LLGL2: variants seen among roughly 807,000 people sequenced by gnomAD.
The protein encoded by LLGL2 is LLGL2, scribble cell polarity complex component.
In LLGL2, 81 loss-of-function variants were observed where a neutral mutation model predicts 123.2. The ratio of observed to expected loss-of-function variants is 0.66; its 90% CI spans 0.55 to 0.79. LLGL2 has a LOEUF of 0.79. LLGL2 is among the 30% of genes least tolerant of loss of function. The pLI, the probability that LLGL2 is intolerant of heterozygous loss-of-function variation, is 0.00. For synonymous variants in LLGL2, 577 were observed against 594.1 expected (o/e 0.97, Z 0.42); for missense variants, 1,273 against 1,414.6 (o/e 0.90, Z 1.61).
At chr17:75,539,625 T>TA (rs201553761) in intron 1 of LLGL2, among the ~76,000 whole-genome samples, 4 of 148,774 alleles carry the variant, frequency 2.7e-5, no homozygotes, top group Non-Finnish European at 4.5e-5. Flanking sequence ...TTTTTTTTTT[T>TA]TATACAGAAT....
intron 1 of LLGL2, among the ~76,000 whole-genome samples, chr17:75,539,131 T>TCA (rs1421962700): frequency 6.6e-6 from 1 of 152,080 alleles, no homozygotes; most frequent in Non-Finnish European, 1.5e-5. Context: ...GGTTCATAGC[T>TCA]CACTGCAGCC....
upstream of LLGL2, among the ~76,000 whole-genome samples, chr17:75,525,383 G>A (rs889343900): frequency 6.6e-6 from 1 of 152,090 alleles, no homozygotes; most frequent in African/African-American, 2.4e-5. The surrounding 1 kb of genome is among the most constrained non-coding windows in gnomAD (Gnocchi z 4.8). Context: ...TGGAGTCTGG[G>A]AGGCGGCCCG....
chr17:75,571,202 G>C, intron 17 of LLGL2, 102 bp downstream of exon 17: 1 of 1,147,914 alleles, frequency 8.7e-7, no homozygotes, highest in Non-Finnish European at 1.3e-6. Context: ...GCTGGTAGGA[G>C]CTAAGAGGTT....
Position 75,570,381 on chromosome 17 carries a change from G to A in LLGL2, c.1908G>A (p.Leu636=). 1 of 1,611,818 alleles carries A rather than the reference G, an allele frequency of 6.2e-7. No homozygotes were observed. Among genetic ancestry groups the A allele is most frequent in the African/African-American group, 1.3e-5 (1 of 75,048 alleles). ...TGCACCCCAGTGACCAGCTGGCCTT[G>A]GAGGGCCCACTCTCCCGCGTCAAGT... ...CTLHPSDQLA[L]EGPLSRVKSL... is the part of the protein sequence containing the mutation. Residue 636 remains leucine (L), a synonymous_variant, in exon 16 of 26, where the codon TTG becomes TTA. Coordinates refer to ENST00000392550, the MANE Select transcript of LLGL2 (RefSeq NM_001031803.2).
intron 16 of LLGL2, 84 bp from the exon 17 acceptor site, chr17:75,570,866 G>A (rs1042751857): frequency 1.6e-5 from 23 of 1,475,304 alleles, no homozygotes; most frequent in East Asian, 1.4e-4. Context: ...CCTGCCTTCC[G>A]ATGCAAGGAT....
At position 75,559,482 on chromosome 17, in the gene LLGL2, G is replaced by T; in HGVS notation, c.530+72G>T. The T allele has an allele frequency of 1.3e-6, 2 of 1,510,744 alleles. No individual in the cohort carries two copies. Among genetic ancestry groups the T allele is most frequent in the South Asian group, 2.6e-5 (2 of 78,100 alleles). 93.6% of individuals were successfully genotyped at this position (1,510,744 alleles called of 1,614,324 possible). On this transcript the variant is annotated intron_variant, in intron 6 of 25. Transcript: ENST00000392550. The surrounding 1 kb of genome is among the most constrained non-coding windows in gnomAD (Gnocchi z 4.6). ...GCATGGCTTCTCCCCTTGGTCCCAG[G>T]ACTCTGTCAGGAGCTGTCATTTCTC...
intron 1 of LLGL2, among the ~76,000 whole-genome samples, chr17:75,529,161 AAG>A (rs1459961305): frequency 6.6e-6 from 1 of 152,040 alleles, no homozygotes; most frequent in Non-Finnish European, 1.5e-5. Flanking sequence ...CTCAAAAAAA[AAG>A]AGAGCAAAAA....
chr17:75,555,513 T>C (rs1370308770), intron 2 of LLGL2, among the ~76,000 whole-genome samples: 3 of 152,126 alleles, frequency 2.0e-5, no homozygotes, highest in Non-Finnish European at 4.4e-5. Flanking sequence ...GGTTGGAATT[T>C]GGTGACAGTA....
chr17:75,527,654 G>A (rs577248333), intron 1 of LLGL2, among the ~76,000 whole-genome samples: 1 of 151,140 alleles, frequency 6.6e-6, no homozygotes, highest in Non-Finnish European at 1.5e-5. Flanking sequence ...TTGTAGAGAT[G>A]GGATCTCACC....
rs1372342381 is a variant in LLGL2, at chr17:75,574,200, C to T, written c.2906-13C>T. 4 of 1,530,408 alleles carry T rather than the reference C, an allele frequency of 2.6e-6. No homozygotes were observed. The highest frequency in any genetic ancestry group is 2.8e-5 in the African/African-American group (2 of 72,534). The allele number at this position is 1,530,408 out of a possible 1,614,324, so 94.8% of individuals were successfully genotyped here. A position where few individuals can be genotyped will look rare whatever the true frequency, so the allele number is the denominator to read the frequency against. On this transcript the variant is annotated splice_polypyrimidine_tract_variant and intron_variant, in intron 22 of 25. Transcript: ENST00000392550. ...CCCAGGCGGGGCGCCCTGACCCGGCCTCTACCTTCCAGAGAAGCAGCCCGG... is the reference window on the plus strand; with the variant it reads ...CCCAGGCGGGGCGCCCTGACCCGGCTTCTACCTTCCAGAGAAGCAGCCCGG...
In LLGL2 at chr17:75,570,361, C is replaced by G; in HGVS notation, c.1888C>G (p.Pro630Ala). 1 of 1,612,090 alleles carries G rather than the reference C, an allele frequency of 6.2e-7. No homozygotes were observed. Among genetic ancestry groups the G allele is most frequent in the African/African-American group, 1.3e-5 (1 of 75,050 alleles). ...RQVFVKCTLHPSDQLALEGPL... is the reference protein window; with the variant it reads ...RQVFVKCTLHASDQLALEGPL... ...CATCCCCCCAAGGTGCACACTGCAC[C>G]CCAGTGACCAGCTGGCCTTGGAGGG... The change falls in exon 16 of 26, where the codon CCC becomes GCC. Residue 630 changes from proline to alanine, a missense_variant. Pro to Ala is a conservative substitution (Grantham distance 27, BLOSUM62 -1). Coordinates refer to ENST00000392550, the MANE Select transcript of LLGL2 (RefSeq NM_001031803.2).
chr17:75,572,121 C>T lies in LLGL2; in HGVS notation c.2460+57C>T, dbSNP rs112833709. On this transcript the variant is annotated intron_variant, in intron 19 of 25. Coordinates refer to ENST00000392550, the MANE Select transcript of LLGL2 (RefSeq NM_001031803.2). ...GACTCCCCGGGACATCCAGGAGGCT[C>T]GGACCTTGGGCAAAAATGATGGCTG... The T allele has an allele frequency of 5.8e-4, 895 of 1,547,498 alleles. 5 individuals carry two copies. The African/African-American group carries it at 9.9e-3, about 17-fold the overall frequency.
chr17:75,570,562 G>C (rs1360278953), intron 16 of LLGL2, 64 bp downstream of exon 16: 16 of 1,523,898 alleles, frequency 1.0e-5, no homozygotes, highest in African/African-American at 1.4e-5. Flanking sequence ...CAGCCAGCAG[G>C]GGGGCCACAC....
At chr17:75,554,312 A>C (rs1376661743) in intron 2 of LLGL2, among the ~76,000 whole-genome samples, 2 of 151,310 alleles carry the variant, frequency 1.3e-5, no homozygotes, top group East Asian at 3.9e-4. Flanking sequence ...CAAAAAAAAA[A>C]AAAAAAAAGC....
At chr17:75,554,301 T>TC (rs2054804895) in intron 2 of LLGL2, among the ~76,000 whole-genome samples, 1 of 15,618 alleles carries the variant, frequency 6.4e-5, no homozygotes, top group Non-Finnish European at 2.0e-4. Context: ...AAACTCCGTC[T>TC]CAAAAAAAAA....
intron 1 of LLGL2, among the ~76,000 whole-genome samples, chr17:75,530,541 T>C (rs1000156013): frequency 6.7e-6 from 1 of 149,884 alleles, no homozygotes; most frequent in Non-Finnish European, 1.5e-5. Flanking sequence ...TCCCAGCTGC[T>C]CGGGAGGCTG....
chr17:75,557,790 C>T, intron 3 of LLGL2: 1 of 360,898 alleles, frequency 2.8e-6, no homozygotes, highest in Non-Finnish European at 5.4e-6. Context: ...GGTGATAGGC[C>T]CCCTGGGGTG....
intron 1 of LLGL2, among the ~76,000 whole-genome samples, chr17:75,535,761 G>A (rs570924814): frequency 1.7e-4 from 26 of 152,354 alleles, no homozygotes; most frequent in African/African-American, 6.0e-4. Flanking sequence ...CTCTTGAGAT[G>A]GAAGGCGGGC....
chr17:75,562,854 G>A, intron 6 of LLGL2, 162 bp from the exon 7 acceptor site: 1 of 859,746 alleles, frequency 1.2e-6, no homozygotes, highest in Non-Finnish European at 1.8e-6. Context: ...ACAGGCATGA[G>A]CCACCACGCT....
Sources: gnomAD v4.1 joint callset for allele counts (sites outside exome capture counted in the v4.1 genomes callset) on GRCh38, gnomAD v4.1.1 for gene constraint, Gnocchi (gnomAD v3.1) non-coding constraint, MANE v1.5 for transcripts, NCBI Gene and HGNC (gene_info 2026-07-23, HGNC 2026-07-21) for gene names.